Variants in SRPRB observed in about 807,000 individuals in gnomAD.
SRPRB encodes the protein signal recognition particle receptor subunit beta.
SRPRB carries 20 observed loss-of-function variants against 31.9 expected under a neutral mutation model. The ratio of observed to expected loss-of-function variants is 0.63; its 90% confidence interval spans 0.44 to 0.91. The LOEUF (loss-of-function observed/expected upper bound fraction) is 0.91, where lower values mean the gene tolerates loss of function less well. Among genes scored for constraint, SRPRB ranks in the 40% least tolerant of loss-of-function variants. The pLI is 0.00. For synonymous variants in SRPRB, 146 were observed against 132.8 expected, an observed-to-expected ratio of 1.10 and a Z score of -0.68; for missense variants, 321 against 324.9, an observed-to-expected ratio of 0.99 and a Z score of 0.09.
chr3:133,795,355 A>C (rs780632987), intron 1 of SRPRB: 7 of 152,098 alleles, frequency 4.6e-5, no homozygotes, highest in Non-Finnish European at 7.3e-5. Context: ...ACGGTTTTAA[A>C]TGTTTGCATG....
At chr3:133,804,423 T>TA (rs1935113373), upstream of SRPRB, among the ~76,000 whole-genome samples, 1 of 152,148 alleles carries the variant, frequency 6.6e-6, no homozygotes, top group Non-Finnish European at 1.5e-5. Flanking sequence ...ACTATGTGCA[T>TA]ATTCAGGGGG....
At chr3:133,817,808 T>C (rs1321810562) in intron 6 of SRPRB, among the ~76,000 whole-genome samples, 2 of 152,272 alleles carry the variant, frequency 1.3e-5, no homozygotes, top group East Asian at 1.9e-4. Flanking sequence ...AAGACTGCAG[T>C]TGGGAGCAGC....
At chr3:133,806,024 T>G (rs1446738622) in intron 1 of SRPRB, 22 bp downstream of exon 1, 1 of 1,608,556 alleles carries the variant, frequency 6.2e-7, no homozygotes, top group East Asian at 2.2e-5. Flanking sequence ...CCGGTGGTCA[T>G]GGCGGGTTTG....
At chr3:133,805,788 C>T (rs1576380918), upstream of SRPRB, 1 of 1,523,082 alleles carries the variant, frequency 6.6e-7, no homozygotes, top group Non-Finnish European at 8.8e-7. Context: ...CTGCTCCCCG[C>T]GCCTGCGCAG....
chr3:133,824,817 C>T (rs891165660), downstream of SRPRB: 4 of 152,134 alleles, frequency 2.6e-5, no homozygotes, highest in Non-Finnish European at 5.9e-5. Flanking sequence ...CACCCACACA[C>T]AGCAGTCCTT....
In SRPRB at chr3:133,811,091, G is replaced by A. The variant is rs200375998; in HGVS notation, c.328-26G>A. 192 of 1,611,872 alleles carry A rather than the reference G, an allele frequency of 1.2e-4. No homozygotes were observed. In the East Asian group the frequency reaches 3.4e-3, roughly 28 times the overall value. ...TGTGAACGTGGAACTGTATTGAAAC[G>A]TTAATGTTATTGCTGCCATCCCCAG... On this transcript the variant is annotated intron_variant, in intron 3 of 6. Coordinates refer to ENST00000678299, the MANE Select transcript of SRPRB (RefSeq NM_001379313.1).
chr3:133,827,167 C>G (rs1334203885), downstream of SRPRB: 1 of 152,376 alleles, frequency 6.6e-6, no homozygotes, highest in Non-Finnish European at 1.5e-5. Context: ...GCTGCACTTA[C>G]TGCCTGCCAT....
At chr3:133,819,509 G>T in intron 6 of SRPRB, 44 bp from the exon 7 acceptor site, 1 of 1,566,520 alleles carries the variant, frequency 6.4e-7, no homozygotes. Context: ...TTTAATTGCT[G>T]TATAAAAATT....
chr3:133,790,117 TGAGTACAGTGAATGG>T (rs1186808639), intron 1 of SRPRB: 1 of 152,174 alleles, frequency 6.6e-6, no homozygotes, highest in Non-Finnish European at 1.5e-5. Context: ...GTGAAACAAT[TGAGTACAGTGAATGG>T]GACAAATGTT....
rs1292842455 is a variant in SRPRB at position 133,821,228 on chromosome 3, A to G, written c.*1462A>G. 2.6e-5 allele frequency: 4 copies of G among 152,220 alleles called. No individual in the cohort carries two copies. The highest frequency in any genetic ancestry group is 5.9e-5 in the Non-Finnish European group (4 of 68,040). The allele number at this position is 152,220 out of a possible 1,614,324, so 9.4% of individuals were successfully genotyped here. ...ATACTCCAGGCTCCTACCCCAAAGC[A>G]CATGTCAGCCTTGCTGCTGGAGCAC... On this transcript the variant is annotated 3_prime_UTR_variant, in exon 7 of 7. Coordinates refer to ENST00000678299, the MANE Select transcript of SRPRB (RefSeq NM_001379313.1).
chr3:133,810,859 C>T (rs1576382971), intron 3 of SRPRB: 1 of 345,988 alleles, frequency 2.9e-6, no homozygotes, highest in East Asian at 6.0e-5. Flanking sequence ...AAACATTTAT[C>T]AGTGTTCTCA....
intron 1 of SRPRB, chr3:133,788,301 A>G (rs545725487): frequency 1.1e-4 from 17 of 152,214 alleles, no homozygotes; most frequent in Non-Finnish European, 2.2e-4. Context: ...TGACTTTGTA[A>G]CTTTATTTCA....
downstream of SRPRB, chr3:133,828,103 C>T (rs1935600630): frequency 3.1e-6 from 2 of 649,852 alleles, no homozygotes; most frequent in Non-Finnish European, 5.6e-6. Flanking sequence ...GAGGTGGGAG[C>T]AGTTCCTCTG....
intron 1 of SRPRB, chr3:133,787,584 G>A (rs1934719492): frequency 6.6e-6 from 1 of 152,176 alleles, no homozygotes; most frequent in South Asian, 2.1e-4. Flanking sequence ...AAAAACTGAT[G>A]GGAAATACTG....
At chr3:133,800,809 G>T (rs1450457849) in intron 1 of SRPRB, among the ~76,000 whole-genome samples, 1 of 152,178 alleles carries the variant, frequency 6.6e-6, no homozygotes, top group Non-Finnish European at 1.5e-5. Context: ...TTCAACAGTT[G>T]ACCAGTGCCT....
chr3:133,799,033 T>G (rs1935022030), intron 1 of SRPRB, among the ~76,000 whole-genome samples: 2 of 152,042 alleles, frequency 1.3e-5, no homozygotes, highest in South Asian at 4.1e-4. Flanking sequence ...AACATGCACT[T>G]TTTTAGATCA....
At chr3:133,815,142 G>C (rs79071659) in intron 4 of SRPRB, among the ~76,000 whole-genome samples, 1,930 of 152,222 alleles carry the variant, frequency 0.013, 47 homozygotes, top group African/African-American at 0.044. Context: ...TTGGATTTTT[G>C]GATTGGGGAT....
chr3:133,807,715 T>G, intron 2 of SRPRB, 31 bp from the exon 3 acceptor site: 2 of 1,483,550 alleles, frequency 1.3e-6, no homozygotes, highest in African/African-American at 1.4e-5. Context: ...TATTAAAATG[T>G]TGAATATCAC....
intron 2 of SRPRB, 80 bp downstream of exon 2, chr3:133,806,783 A>C (rs1197015876): frequency 2.7e-6 from 3 of 1,117,436 alleles, no homozygotes; most frequent in Non-Finnish European, 4.0e-6. Flanking sequence ...CTCACGGTTT[A>C]TTTTGTAAAA....
Sources: gnomAD v4.1 joint callset for allele counts (sites outside exome capture counted in the v4.1 genomes callset) on GRCh38, gnomAD v4.1.1 for gene constraint, MANE v1.5 for transcripts, NCBI Gene and HGNC (gene_info 2026-07-23, HGNC 2026-07-21) for gene names.